DNAH1: variants seen among roughly 807,000 people sequenced by gnomAD.
The protein encoded by DNAH1 is axonemal beta dynein heavy chain 1.
A neutral mutation model predicts 484.3 loss-of-function variants in DNAH1; 327 were observed. The observed-to-expected ratio is 0.68, with a 90% confidence interval of 0.62 to 0.74. DNAH1 has a LOEUF of 0.74. Ranked by LOEUF, DNAH1 falls within the 30% of genes least tolerant of loss-of-function variation. The probability of loss-of-function intolerance (pLI) is 0.00; values close to 1 mark genes in which losing one functional copy is unlikely to be tolerated. For missense variants in DNAH1, 5,052 were observed against 5,546.8 expected (o/e 0.91, Z 2.83); for synonymous variants, 2,192 against 2,191.9 (o/e 1.00, Z 0.00).
At chr3:52,391,683 G>A (rs776090537) in intron 63 of DNAH1, 80 bp downstream of exon 63, 35 of 1,524,306 alleles carry the variant, frequency 2.3e-5, no homozygotes, top group Non-Finnish European at 2.9e-5. Flanking sequence ...CCCCCAGGCC[G>A]GGAGTCAGTG....
rs372157391 is a variant in DNAH1, at chr3:52,397,914, C to T, written c.11958+37C>T. ...CAGAGTAAGGGGCCCAAGGGCTGGA[C>T]GGGCTGGGCTTCACCATCCTGCCCA... On this transcript the variant is annotated intron_variant, in intron 74 of 77. Transcript: ENST00000420323. 1,007 of 1,576,886 alleles carry T rather than the reference C, an allele frequency of 6.4e-4. 7 individuals are homozygous for T. The highest frequency in any genetic ancestry group is 1.3e-4 in the Non-Finnish European group (151 of 1,159,950).
intron 8 of DNAH1, among the ~76,000 whole-genome samples, chr3:52,336,919 T>C (rs1264739223): frequency 6.6e-6 from 1 of 152,202 alleles, no homozygotes; most frequent in African/African-American, 2.4e-5. Context: ...CGGGCTCTTT[T>C]TAGGTTTCAT....
In DNAH1 at chr3:52,361,075, C is replaced by T. The variant is rs1285198136; in HGVS notation, c.4686-89C>T. The T allele has an allele frequency of 1.3e-5, 17 of 1,263,510 alleles. 1 individual carries two copies. The highest frequency in any genetic ancestry group is 5.2e-4 in the Middle Eastern group (2 of 3,856). 78.3% of individuals were successfully genotyped at this position (1,263,510 alleles called of 1,614,324 possible). On this transcript the variant is annotated intron_variant, in intron 28 of 77. Coordinates refer to ENST00000420323, the MANE Select transcript of DNAH1 (RefSeq NM_015512.5). The surrounding 1 kb of genome is among the most constrained non-coding windows in gnomAD (Gnocchi z 5.6). ...CCCAGCCCACCAAAAGGGGACGGGG[C>T]GAGAGGCCCCAGTCCACAGGAAATT...
At position 52,352,771 on chromosome 3, in the gene DNAH1, G is replaced by A. The variant is rs1702448242; in HGVS notation, c.3027+64G>A. 2.6e-6 allele frequency: 4 copies of A among 1,545,350 alleles called. No homozygotes were observed. The Admixed American group carries it at 7.4e-5, about 29-fold the overall frequency. On this transcript the variant is annotated intron_variant, in intron 18 of 77. Coordinates refer to ENST00000420323, the MANE Select transcript of DNAH1 (RefSeq NM_015512.5). ...GCTTGAGGAAGCAGCTCATGTAGATGCAGCTGCCAGGAGGCAGGGCTCTGG... is the reference window on the plus strand; with the variant it reads ...GCTTGAGGAAGCAGCTCATGTAGATACAGCTGCCAGGAGGCAGGGCTCTGG...
At chr3:52,398,713 G>A (rs1704753660) in intron 75 of DNAH1, 137 bp from the exon 76 acceptor site, 2 of 703,778 alleles carry the variant, frequency 2.8e-6, no homozygotes, top group Middle Eastern at 3.5e-4. Flanking sequence ...TTTGTACCCA[G>A]GCCACCTGAC....
At chr3:52,352,352 A>G (rs1376915069) in intron 17 of DNAH1, among the ~76,000 whole-genome samples, 200 bp from the exon 18 acceptor site, 1 of 152,126 alleles carries the variant, frequency 6.6e-6, no homozygotes, top group Non-Finnish European at 1.5e-5. Context: ...TTGGCGGCCT[A>G]CTGGGCAGTG....
chr3:52,397,113 C>T (rs1276292917), intron 73 of DNAH1, 69 bp downstream of exon 73: 1 of 1,434,356 alleles, frequency 7.0e-7, no homozygotes, highest in African/African-American at 1.4e-5. Flanking sequence ...CCATGAGCAC[C>T]TTGGTGCTGG....
Position 52,399,681 on chromosome 3 carries a change from C to G in DNAH1, c.12578C>G (p.Thr4193Arg). The change falls in exon 77 of 78, where the codon ACA (threonine) becomes AGA (arginine). Residue 4193 changes from threonine (T) to arginine (R), a missense_variant. By Grantham distance (71) the Thr-to-Arg change is moderately conservative. This residue lies in a region of DNAH1 where 853 missense variants were observed against 899.0 expected (regional missense o/e 0.95). Coordinates refer to ENST00000420323, the MANE Select transcript of DNAH1 (RefSeq NM_015512.5). ...LAESQPKELY[T>R]EMAVIWLLPT... ...GAGTCTCAGCCCAAGGAGCTGTACACAGAGATGGCCGTTATCTGGCTCTTG... is the reference window on the plus strand; with the variant it reads ...GAGTCTCAGCCCAAGGAGCTGTACAGAGAGATGGCCGTTATCTGGCTCTTG... 1 of 1,614,056 alleles carries G rather than the reference C, an allele frequency of 6.2e-7. No individual in the cohort carries two copies. Among genetic ancestry groups the G allele is most frequent in the East Asian group, 2.2e-5 (1 of 44,892 alleles).
intron 54 of DNAH1, 25 bp from the exon 55 acceptor site, chr3:52,386,135 A>T (rs1704095651): frequency 6.3e-7 from 1 of 1,599,148 alleles, no homozygotes. Context: ...AGGGGGGAGG[A>T]CATCCCTATG....
rs1701183789 is a variant in DNAH1 at position 52,322,504 on chromosome 3, G to A, written c.62G>A (p.Ser21Asn). 2 of 1,613,756 alleles carry A rather than the reference G, an allele frequency of 1.2e-6. No individual in the cohort carries two copies. The highest frequency in any genetic ancestry group is 1.1e-5 in the South Asian group (1 of 91,082). The change falls in exon 2 of 78, where the codon AGC (serine) becomes AAC (asparagine). Residue 21 changes from serine to asparagine, a missense_variant. Around this residue, in one of 4 missense-constraint regions of DNAH1, gnomAD observed 1,263 missense variants for 1,218.8 expected, o/e 1.04. Transcript: ENST00000420323. ...LGRTPQGPEC[S>N]SAPAVQVGTH... ...AGGACCCCTCAGGGCCCAGAGTGCAGCAGTGCTCCTGCAGTCCAAGTGGGG... is the reference window on the plus strand; with the variant it reads ...AGGACCCCTCAGGGCCCAGAGTGCAACAGTGCTCCTGCAGTCCAAGTGGGG...
At chr3:52,372,478 TG>T (rs1187806261) in intron 43 of DNAH1, 91 bp downstream of exon 43, 7 of 1,536,292 alleles carry the variant, frequency 4.6e-6, no homozygotes, top group Non-Finnish European at 6.1e-6. Flanking sequence ...ATTATGCTCC[TG>T]GGTTTGCCAG....
intron 3 of DNAH1, among the ~76,000 whole-genome samples, chr3:52,324,268 C>A (rs1701256340): frequency 6.6e-6 from 1 of 152,166 alleles, no homozygotes; most frequent in Non-Finnish European, 1.5e-5. Flanking sequence ...TAGAACAGGA[C>A]CTGGCTCAGA....
At chr3:52,365,083 G>C in intron 34 of DNAH1, 64 bp downstream of exon 34, 2 of 1,554,152 alleles carry the variant, frequency 1.3e-6, no homozygotes, top group Non-Finnish European at 1.7e-6. Context: ...GTCCAGGTCA[G>C]GGGGACAGAG....
Position 52,373,200 on chromosome 3 carries a change from C to T in DNAH1, c.6985+147C>T, listed in dbSNP as rs184430520. The T allele has an allele frequency of 0.012, 12,758 of 1,065,702 alleles. 118 individuals carry two copies. The highest frequency in any genetic ancestry group is 0.013 in the Non-Finnish European group (10,175 of 784,278). 66.0% of individuals were successfully genotyped at this position (1,065,702 alleles called of 1,614,324 possible). On this transcript the variant is annotated intron_variant, in intron 44 of 77. Coordinates refer to ENST00000420323, the MANE Select transcript of DNAH1 (RefSeq NM_015512.5). The stretch of plus-strand genomic sequence containing the variant: ...TAAAATTAAAGGGGAGGAGGGGGGC[C>T]GGCTGGGGGAGGGGCGGAGAGACGC...
At chr3:52,390,682 G>A (rs1704332581) in intron 60 of DNAH1, among the ~76,000 whole-genome samples, 1 of 152,158 alleles carries the variant, frequency 6.6e-6, no homozygotes, top group South Asian at 2.1e-4. Flanking sequence ...TCCATCTGGG[G>A]CCATCAGTGT....
At chr3:52,345,997 TAGA>T (rs1702126224) in intron 10 of DNAH1, among the ~76,000 whole-genome samples, 1 of 152,168 alleles carries the variant, frequency 6.6e-6, no homozygotes, top group Non-Finnish European at 1.5e-5. Flanking sequence ...TCCCTTGTCT[TAGA>T]AGGGGGAGCA....
chr3:52,399,786 G>A lies in DNAH1; in HGVS notation c.12676+7G>A, dbSNP rs1416480233. On this transcript the variant is annotated splice_region_variant and intron_variant, in intron 77 of 77. Coordinates refer to ENST00000420323, the MANE Select transcript of DNAH1 (RefSeq NM_015512.5). Reference sequence around the variant, plus strand: ...AAGACACTGACTCGTGCTGGTATGAGGCCTGGGATGGGAGCCTACACTATG... The same window carrying A: ...AAGACACTGACTCGTGCTGGTATGAAGCCTGGGATGGGAGCCTACACTATG... The A allele has an allele frequency of 1.2e-5, 20 of 1,612,848 alleles. No homozygotes were observed. Among genetic ancestry groups the A allele is most frequent in the Non-Finnish European group, 1.7e-5 (20 of 1,179,240 alleles).
At position 52,355,184 on chromosome 3, in the gene DNAH1, T is replaced by G; in HGVS notation, c.3693+129T>G. ...GCCTTGCCCTCATTCACACAGCCCC[T>G]GGCTCTCTGGCAGGCCCCGCCCTAC... On this transcript the variant is annotated intron_variant, in intron 21 of 77. Transcript: ENST00000420323. This position sits in a 1 kb window ranked among gnomAD's most constrained non-coding sequence, Gnocchi z 4.5. 1 of 906,248 alleles carries G rather than the reference T, an allele frequency of 1.1e-6. No homozygotes were observed. The highest frequency in any genetic ancestry group is 2.1e-5 in the Admixed American group (1 of 47,482). The allele number at this position is 906,248 out of a possible 1,614,324, so 56.1% of individuals were successfully genotyped here.
At position 52,331,136 on chromosome 3, in the gene DNAH1, C is replaced by T. The variant is rs773187425; in HGVS notation, c.872-12C>T. 7 of 1,578,862 alleles carry T rather than the reference C, an allele frequency of 4.4e-6. No individual in the cohort carries two copies. Among genetic ancestry groups the T allele is most frequent in the African/African-American group, 1.3e-5 (1 of 74,298 alleles). On this transcript the variant is annotated splice_polypyrimidine_tract_variant and intron_variant, in intron 6 of 77. Coordinates refer to ENST00000420323, the MANE Select transcript of DNAH1 (RefSeq NM_015512.5). ...GCGGGGGGCACTGGTGGAGTTTCTCCTCCTGTTTCAGAGGACCCCAAGAGT... is the reference window on the plus strand; with the variant it reads ...GCGGGGGGCACTGGTGGAGTTTCTCTTCCTGTTTCAGAGGACCCCAAGAGT...
Sources: allele counts gnomAD v4.1 joint callset (sites outside exome capture counted in the v4.1 genomes callset), GRCh38; gene constraint gnomAD v4.1.1; regional missense constraint gnomAD v4.1.1; non-coding constraint Gnocchi (gnomAD v3.1); transcripts MANE v1.5; gene names NCBI Gene and HGNC (gene_info 2026-07-23, HGNC 2026-07-21).